Variants in PUM2 observed in about 807,000 individuals in gnomAD.
The protein encoded by PUM2 is pumilio RNA binding family member 2.
A neutral mutation model predicts 124.5 loss-of-function variants in PUM2; 57 were observed. That is an observed-to-expected ratio of 0.46 (90% CI 0.37 to 0.57). The LOEUF is 0.57. Among genes scored for constraint, PUM2 ranks in the 20% least tolerant of loss-of-function variants. The pLI is 0.00. For synonymous variants in PUM2, 460 were observed against 446.1 expected (o/e 1.03, Z -0.39); for missense variants, 1,065 against 1,290.6 (o/e 0.83, Z 2.68).
chr2:20,251,906 G>GAGAATAAAT (rs1663457095), intron 20 of PUM2, among the ~76,000 whole-genome samples, 190 bp from the exon 21 acceptor site: 1 of 152,164 alleles, frequency 6.6e-6, no homozygotes, highest in Non-Finnish European at 1.5e-5. Context: ...TCTCGAAATT[G>GAGAATAAAT]TTCAATGAAT....
At chr2:20,263,577 T>G in intron 13 of PUM2, 117 bp from the exon 14 acceptor site, 1 of 1,217,646 alleles carries the variant, frequency 8.2e-7, no homozygotes, top group Non-Finnish European at 1.1e-6. Context: ...TAATTCCTAC[T>G]TGTTATGACA....
intron 1 of PUM2, among the ~76,000 whole-genome samples, chr2:20,347,877 A>G (rs1008638751): frequency 5.3e-5 from 8 of 152,228 alleles, no homozygotes; most frequent in African/African-American, 1.9e-4. Flanking sequence ...AGCAGGGCAA[A>G]TTAAGTGCTT....
chr2:20,298,349 C>T (rs1676133381), intron 7 of PUM2, among the ~76,000 whole-genome samples: 2 of 152,124 alleles, frequency 1.3e-5, no homozygotes, highest in Non-Finnish European at 2.9e-5. Context: ...ATTTTACCCT[C>T]CAGTCAATAC....
intron 13 of PUM2, among the ~76,000 whole-genome samples, chr2:20,269,007 A>T (rs1668386693): frequency 6.6e-6 from 1 of 152,104 alleles, no homozygotes; most frequent in Non-Finnish European, 1.5e-5. Flanking sequence ...AATCTAAATA[A>T]CTTATCCAAG....
At chr2:20,284,117 T>G (rs1187166260) in intron 10 of PUM2, among the ~76,000 whole-genome samples, 1 of 152,236 alleles carries the variant, frequency 6.6e-6, no homozygotes, top group African/African-American at 2.4e-5. Context: ...GATTCTCTGT[T>G]GAACCAAAAA....
intron 1 of PUM2, among the ~76,000 whole-genome samples, chr2:20,337,321 G>C (rs1471371785): frequency 2.0e-5 from 3 of 150,972 alleles, no homozygotes; most frequent in East Asian, 1.9e-4. Context: ...TTTGTTTTTT[G>C]TAAGTCCTCA....
chr2:20,329,443 A>AG (rs1381619308), intron 1 of PUM2, among the ~76,000 whole-genome samples: 1 of 151,746 alleles, frequency 6.6e-6, no homozygotes, highest in Admixed American at 6.6e-5. Flanking sequence ...CTCAAAAAAA[A>AG]AAAAAAAAGA....
chr2:20,256,066 T>G lies in PUM2; in HGVS notation c.2589A>C (p.Ser863=), dbSNP rs751477742. The change falls in exon 17 of 21, where the codon TCA becomes TCC. Residue 863 remains serine, a synonymous_variant. Coordinates refer to ENST00000361078, the MANE Select transcript of PUM2 (RefSeq NM_015317.5). The part of the protein sequence containing the change: ...QKCIECVQPQ[S]LQFIIDAFKG... Reference sequence around the variant, plus strand: ...TGAAAGCATCAATGATGAACTGTAGTGACTGTGGCTGAACACATTCGATAC... The same window carrying G: ...TGAAAGCATCAATGATGAACTGTAGGGACTGTGGCTGAACACATTCGATAC... 1 of 1,592,786 alleles carries G rather than the reference T, an allele frequency of 6.3e-7. No homozygotes were observed. The highest frequency in any genetic ancestry group is 8.5e-7 in the Non-Finnish European group (1 of 1,172,774).
rs377531193 is a variant in PUM2 at position 20,308,582 on chromosome 2, C to T, written c.521G>A (p.Arg174His). 10 of 1,593,128 alleles carry T rather than the reference C, an allele frequency of 6.3e-6. No homozygotes were observed. Among genetic ancestry groups the T allele is most frequent in the African/African-American group, 2.7e-5 (2 of 73,604 alleles). The change falls in exon 6 of 21, where the codon CGT (arginine) becomes CAT (histidine). Residue 174 changes from arginine to histidine, a missense_variant and splice_region_variant. This residue lies in a region of PUM2 where 968 missense variants were observed against 1,159.8 expected (regional missense o/e 0.83). Transcript: ENST00000361078. ...GMDADCKDFN[R>H]TPGSRQASPT... Reference sequence around the variant, plus strand: ...AGAGGCTTGACGACTTCCAGGAGTACGACTACATAAAGAAAATAGAAAAGC... The same window carrying T: ...AGAGGCTTGACGACTTCCAGGAGTATGACTACATAAAGAAAATAGAAAAGC...
At chr2:20,257,045 A>C (rs934388272) in intron 16 of PUM2, among the ~76,000 whole-genome samples, 2 of 29,994 alleles carry the variant, frequency 6.7e-5, no homozygotes, top group Admixed American at 4.2e-4. Flanking sequence ...TTCCGTCTCA[A>C]AAAAAAAAAA....
chr2:20,276,579 C>T (rs1237012867), intron 13 of PUM2, among the ~76,000 whole-genome samples: 1 of 151,980 alleles, frequency 6.6e-6, no homozygotes, highest in Non-Finnish European at 1.5e-5. Context: ...TACTATCAGC[C>T]TTGAGACTTG....
At chr2:20,262,452 T>C (rs906734283) in intron 14 of PUM2, among the ~76,000 whole-genome samples, 7 of 152,266 alleles carry the variant, frequency 4.6e-5, no homozygotes, top group African/African-American at 1.7e-4. Context: ...AGGCGCAATA[T>C]ACAGAGTAGG....
Position 20,308,587 on chromosome 2 carries a change from AC to A in PUM2, c.519-4del. 1 of 1,586,814 alleles carries A rather than the reference AC, an allele frequency of 6.3e-7. No individual in the cohort carries two copies. Among genetic ancestry groups the A allele is most frequent in the Non-Finnish European group, 8.6e-7 (1 of 1,169,324 alleles). The stretch of plus-strand genomic sequence containing the variant: ...CTTGACGACTTCCAGGAGTACGACT[AC>A]ATAAAGAAAATAGAAAAGCATTATG... On this transcript the variant is annotated splice_region_variant and splice_polypyrimidine_tract_variant and intron_variant, in intron 5 of 20. Coordinates refer to ENST00000361078, the MANE Select transcript of PUM2 (RefSeq NM_015317.5).
rs551248991 is a variant in PUM2 at position 20,251,615 on chromosome 2, A to G, written c.3165T>C (p.Pro1055=). Residue 1055 remains proline, a synonymous_variant, in exon 21 of 21, where the codon CCT becomes CCC. Transcript: ENST00000361078. ...YYLKNSPDLG[P]IGGPPNGML is the part of the protein sequence containing the mutation. ...GCATTCCATTTGGTGGTCCTCCAAT[A>G]GGTCCTAGGTCCGGGCTATTCTTCA... 1.3e-4 allele frequency: 207 copies of G among 1,613,538 alleles called. 1 individual carries two copies. Among genetic ancestry groups the G allele is most frequent in the Admixed American group, 5.0e-4 (30 of 60,000 alleles).
chr2:20,255,643 A>C (rs1424118434), intron 17 of PUM2, among the ~76,000 whole-genome samples: 1 of 152,234 alleles, frequency 6.6e-6, no homozygotes, highest in Non-Finnish European at 1.5e-5. Context: ...AGGGTAGTTC[A>C]GCATTAAGAA....
chr2:20,317,869 A>T (rs917337782), intron 3 of PUM2, among the ~76,000 whole-genome samples: 1 of 152,054 alleles, frequency 6.6e-6, no homozygotes, highest in Non-Finnish European at 1.5e-5. Context: ...ACATTATCTC[A>T]ATCTTTTTTT....
intron 1 of PUM2, 180 bp downstream of exon 1, chr2:20,350,417 G>A: frequency 1.1e-6 from 1 of 906,328 alleles, no homozygotes; most frequent in Non-Finnish European, 1.3e-6. Context: ...ACCCCCTTCC[G>A]GCACCCCTCC....
intron 16 of PUM2, among the ~76,000 whole-genome samples, chr2:20,256,718 G>C (rs1182462378): frequency 6.6e-6 from 1 of 152,070 alleles, no homozygotes; most frequent in Non-Finnish European, 1.5e-5. Context: ...ATTAATGTCA[G>C]GTATCTTTGT....
chr2:20,315,836 CAAAAAAA>C (rs60828412), intron 3 of PUM2, among the ~76,000 whole-genome samples: 5 of 72,354 alleles, frequency 6.9e-5, no homozygotes, highest in Admixed American at 4.7e-4. Flanking sequence ...AACCTGGTCT[CAAAAAAA>C]AAAAAAAAAA....
Sources: allele counts gnomAD v4.1 joint callset (sites outside exome capture counted in the v4.1 genomes callset), GRCh38; gene constraint gnomAD v4.1.1; regional missense constraint gnomAD v4.1.1; transcripts MANE v1.5; gene names NCBI Gene and HGNC (gene_info 2026-07-23, HGNC 2026-07-21).